Variants in OC90 observed in about 807,000 individuals in gnomAD.
The protein encoded by OC90 is otoconin 90.
Under a neutral mutation model 47.3 loss-of-function variants are expected in OC90, and 46 were observed. That is an observed-to-expected ratio of 0.97 (90% CI 0.77 to 1.24). The LOEUF is 1.24. OC90 is among the 50% of genes most tolerant of loss of function. The pLI, the probability that OC90 is intolerant of heterozygous loss-of-function variation, is 0.00. For missense variants in OC90, 688 were observed against 583.9 expected (o/e 1.18, Z -1.84); for synonymous variants, 271 against 219.5 (o/e 1.23, Z -2.07).
chr8:132,052,533 C>T (rs1823226753), intron 2 of OC90, among the ~76,000 whole-genome samples: 1 of 152,152 alleles, frequency 6.6e-6, no homozygotes, highest in South Asian at 2.1e-4. Flanking sequence ...TGCTTTCTCA[C>T]CCACACTCAC....
At chr8:132,028,986 C>T (rs1822830663) in intron 13 of OC90, 87 bp downstream of exon 13, 1 of 892,292 alleles carries the variant, frequency 1.1e-6, no homozygotes, top group Non-Finnish European at 1.9e-6. Flanking sequence ...CAGTTAAGTG[C>T]TTGGGAAACC....
At chr8:132,053,385 T>C (rs73353110) in intron 2 of OC90, among the ~76,000 whole-genome samples, 3,807 of 152,264 alleles carry the variant, frequency 0.025, 139 homozygotes, top group African/African-American at 0.084. Context: ...ACAAGTTCAA[T>C]TGATAACTGT....
intron 13 of OC90, among the ~76,000 whole-genome samples, chr8:132,025,376 G>T (rs568819171): frequency 6.6e-6 from 1 of 152,270 alleles, no homozygotes; most frequent in South Asian, 2.1e-4. Flanking sequence ...CTTTCCTCTG[G>T]GGACATGTCC....
chr8:132,029,208 C>T, intron 12 of OC90, 29 bp from the exon 13 acceptor site: 1 of 1,564,296 alleles, frequency 6.4e-7, no homozygotes, highest in South Asian at 1.1e-5. Context: ...CTTTACTTCT[C>T]AGAGCTCCTG....
chr8:132,044,041 G>A (rs186018156), intron 4 of OC90, among the ~76,000 whole-genome samples: 28 of 152,238 alleles, frequency 1.8e-4, no homozygotes, highest in African/African-American at 6.5e-4. Flanking sequence ...TTACTAGTGA[G>A]GGAAGAAAAA....
At position 132,041,684 on chromosome 8, in the gene OC90, TG is replaced by T. The variant is rs1248871737; in HGVS notation, c.184del (p.His62ThrfsTer15). On this transcript the variant is annotated frameshift_variant, in exon 5 of 14. Transcript: ENST00000254627. LOFTEE classifies it high-confidence loss of function. ...VAEIFDCLGP[H>X]FTWLQAVFTN... ...GAAGACAGCCTGCAGCCAGGTGAAGTGGGGGCCCAGGCAATCTGTGGGGGTG... is the reference window on the plus strand; with the variant it reads ...GAAGACAGCCTGCAGCCAGGTGAAGTGGGGCCCAGGCAATCTGTGGGGGTG... 6 of 1,158,514 alleles carry T rather than the reference TG, an allele frequency of 5.2e-6. No homozygotes were observed. The highest frequency in any genetic ancestry group is 6.7e-6 in the Non-Finnish European group (6 of 895,032). 71.8% of individuals were successfully genotyped at this position (1,158,514 alleles called of 1,614,324 possible). A position where few individuals can be genotyped will look rare whatever the true frequency, so the allele number is the denominator to read the frequency against.
intron 4 of OC90, 77 bp downstream of exon 4, chr8:132,044,356 G>C (rs1224570869): frequency 2.5e-6 from 2 of 813,376 alleles, no homozygotes; most frequent in African/African-American, 3.4e-5. Flanking sequence ...TGAGACCAAG[G>C]CCCTTGCAAT....
Position 132,041,711 on chromosome 8 carries a change from G to C in OC90, c.170-12C>G. On this transcript the variant is annotated splice_polypyrimidine_tract_variant and intron_variant, in intron 4 of 13. Transcript: ENST00000254627. ...GGGGCCCAGGCAATCTGTGGGGGTG[G>C]GGGGCAGGGCCTGATAAGCACTGGG... 6.5e-7 allele frequency: 1 copy of C among 1,537,388 alleles called. No individual in the cohort carries two copies. The highest frequency in any genetic ancestry group is 9.0e-7 in the Non-Finnish European group (1 of 1,114,174).
intron 6 of OC90, 22 bp from the exon 7 acceptor site, chr8:132,039,145 C>G: frequency 6.3e-7 from 1 of 1,581,462 alleles, no homozygotes; most frequent in South Asian, 1.2e-5. Flanking sequence ...AAGAGCATAG[C>G]CAATTGGAAA....
intron 2 of OC90, among the ~76,000 whole-genome samples, chr8:132,051,826 T>C (rs1476710187): frequency 6.6e-6 from 1 of 152,160 alleles, no homozygotes; most frequent in Non-Finnish European, 1.5e-5. Flanking sequence ...AGACCCAAGT[T>C]ACAGCAAGAC....
intron 2 of OC90, among the ~76,000 whole-genome samples, chr8:132,052,151 C>T (rs926764894): frequency 3.9e-5 from 6 of 152,032 alleles, no homozygotes; most frequent in Non-Finnish European, 8.8e-5. Flanking sequence ...GCCAGGTTTG[C>T]GGAATGGTTC....
intron 2 of OC90, among the ~76,000 whole-genome samples, chr8:132,050,355 A>G (rs1191488635): frequency 2.6e-5 from 4 of 152,122 alleles, no homozygotes; most frequent in African/African-American, 9.7e-5. Flanking sequence ...ATCCATGAAG[A>G]CTTGTTCACT....
rs1234311696 is a variant in OC90 at position 132,024,538 on chromosome 8, C to G, written c.1377G>C (p.Lys459Asn). Residue 459 changes from lysine (K) to asparagine (N), a missense_variant, in exon 14 of 14, where the codon AAG (lysine) becomes AAC (asparagine). Physicochemically the swap from Lys to Asn is moderately conservative, Grantham distance 94. Coordinates refer to ENST00000254627, the MANE Select transcript of OC90 (RefSeq NM_001080399.3). The part of the protein sequence containing the change: ...DPPQEDLGRA[K>N]RFLRKSLGPL... The stretch of plus-strand genomic sequence containing the variant: ...GACCCAGTGACTTCCGCAGAAACCT[C>G]TTGGCTCTGCCGAGGTCCTCCTGTG... 1 of 1,605,774 alleles carries G rather than the reference C, an allele frequency of 6.2e-7. No individual in the cohort carries two copies. Among genetic ancestry groups the G allele is most frequent in the Non-Finnish European group, 8.5e-7 (1 of 1,174,534 alleles).
At chr8:132,045,999 C>T (rs1490051949) in intron 2 of OC90, 116 bp from the exon 3 acceptor site, 1 of 672,886 alleles carries the variant, frequency 1.5e-6, no homozygotes, top group Non-Finnish European at 2.7e-6. Flanking sequence ...AAATTCAATT[C>T]CATGCATATT....
intron 13 of OC90, among the ~76,000 whole-genome samples, chr8:132,027,799 C>A (rs1313763705): frequency 6.6e-6 from 1 of 152,134 alleles, no homozygotes; most frequent in Non-Finnish European, 1.5e-5. Flanking sequence ...CAGGGCCAGT[C>A]CCCCATTTTA....
chr8:132,049,196 C>T (rs1292806057), intron 2 of OC90, among the ~76,000 whole-genome samples: 1 of 151,602 alleles, frequency 6.6e-6, no homozygotes, highest in Non-Finnish European at 1.5e-5. Context: ...GATGTTATTT[C>T]CTTCTACCTT....
At chr8:132,035,845 G>A (rs1489436001) in intron 9 of OC90, among the ~76,000 whole-genome samples, 1 of 152,216 alleles carries the variant, frequency 6.6e-6, no homozygotes, top group Non-Finnish European at 1.5e-5. Context: ...AAGGACCAGG[G>A]AAGACTAATT....
intron 9 of OC90, among the ~76,000 whole-genome samples, chr8:132,036,037 T>G (rs921707351): frequency 6.6e-6 from 1 of 152,162 alleles, no homozygotes; most frequent in African/African-American, 2.4e-5. Context: ...AAAAGCAGAG[T>G]AAATGGTTAG....
In OC90 at chr8:132,036,532, A is replaced by G. The variant is rs1196610529; in HGVS notation, c.679+906T>C. 8.1e-6 allele frequency: 6 copies of G among 741,540 alleles called. No individual in the cohort carries two copies. In the East Asian group the frequency reaches 1.2e-4, roughly 15 times the overall value. The allele number at this position is 741,540 out of a possible 1,614,324, so 45.9% of individuals were successfully genotyped here. On this transcript the variant is annotated intron_variant, in intron 9 of 13. Coordinates refer to ENST00000254627, the MANE Select transcript of OC90 (RefSeq NM_001080399.3). ...AAGAGAGGAGGCTTAGGGTAATCCG[A>G]TCAGGGCATATGGCTGCACAATGGT...
Sources: gnomAD v4.1 joint callset for allele counts (sites outside exome capture counted in the v4.1 genomes callset) on GRCh38, gnomAD v4.1.1 for gene constraint, MANE v1.5 for transcripts, NCBI Gene and HGNC (gene_info 2026-07-23, HGNC 2026-07-21) for gene names.